Variants in MRPL48 observed in about 807,000 individuals in gnomAD.
MRPL48 encodes the protein large ribosomal subunit protein mL48.
MRPL48 carries 16 observed loss-of-function variants against 32.9 expected under a neutral mutation model. The ratio of observed to expected loss-of-function variants is 0.49; its 90% confidence interval spans 0.33 to 0.74. MRPL48 has a LOEUF of 0.74. Among genes scored for constraint, MRPL48 ranks in the 30% least tolerant of loss-of-function variants. MRPL48 has a pLI of 0.02. For synonymous variants in MRPL48, 94 were observed against 89.2 expected (o/e 1.05, Z -0.31); for missense variants, 206 against 245.3 (o/e 0.84, Z 1.07).
At chr11:73,860,252 C>T (rs1948563093) in intron 6 of MRPL48, 1 of 323,652 alleles carries the variant, frequency 3.1e-6, no homozygotes, top group Non-Finnish European at 5.8e-6. Flanking sequence ...TATCTCCAGT[C>T]CTGATCTGTT....
At chr11:73,826,542 G>A (rs916611781) in intron 4 of MRPL48, among the ~76,000 whole-genome samples, 10 of 151,994 alleles carry the variant, frequency 6.6e-5, no homozygotes, top group African/African-American at 2.4e-4. Context: ...GCAGTGGCAC[G>A]ATCTCAGCTC....
chr11:73,839,322 A>T (rs1948152156), intron 4 of MRPL48, among the ~76,000 whole-genome samples: 1 of 152,166 alleles, frequency 6.6e-6, no homozygotes, highest in Admixed American at 6.5e-5. Context: ...TGGCTATTAG[A>T]TGGGGTGACT....
At chr11:73,807,919 G>T (rs1284962559) in intron 2 of MRPL48, among the ~76,000 whole-genome samples, 1 of 152,208 alleles carries the variant, frequency 6.6e-6, no homozygotes, top group Non-Finnish European at 1.5e-5. Flanking sequence ...GATTACAGGC[G>T]TGAGCCGCTG....
At chr11:73,792,614 A>C (rs1441121108) in intron 1 of MRPL48, among the ~76,000 whole-genome samples, 4 of 152,240 alleles carry the variant, frequency 2.6e-5, no homozygotes, top group Non-Finnish European at 4.4e-5. Context: ...CTAGTAGTAC[A>C]CACATTTTAG....
rs553399972 is a variant in MRPL48, at chr11:73,823,390, A to G, written c.113-2318A>G. On this transcript the variant is annotated intron_variant, in intron 3 of 7. Transcript: ENST00000310614. ...ATCTTGATGCCATATACACATACAT[A>G]TAGATACACACACATACACATGTTA... Among the ~76,000 whole-genome samples, 5 of 152,332 alleles carry G rather than the reference A, an allele frequency of 3.3e-5. No individual in the cohort carries two copies. In the South Asian group the frequency reaches 6.2e-4, roughly 19 times the overall value.
chr11:73,797,240 G>A (rs1947272245), intron 1 of MRPL48, among the ~76,000 whole-genome samples: 1 of 152,162 alleles, frequency 6.6e-6, no homozygotes, highest in Admixed American at 6.6e-5. Flanking sequence ...GAGCTATTCT[G>A]CCACTCAATA....
At chr11:73,845,276 G>T (rs61903193) in intron 5 of MRPL48, 294 of 229,178 alleles carry the variant, frequency 1.3e-3, no homozygotes, top group Non-Finnish European at 2.1e-3. Context: ...ACAGTATGTA[G>T]CTGTTTGTGG....
intron 1 of MRPL48, among the ~76,000 whole-genome samples, chr11:73,794,558 GA>G (rs202160777): frequency 0.05 from 7,086 of 140,786 alleles, 276 homozygotes; most frequent in East Asian, 0.19. Context: ...TCCATCTCTG[GA>G]AAAAAAAAAA....
intron 3 of MRPL48, 126 bp from the exon 4 acceptor site, chr11:73,825,582 G>T (rs1947872205): frequency 1.3e-6 from 1 of 780,692 alleles, no homozygotes. Flanking sequence ...AGAAGTTCGA[G>T]GCTTCAATGA....
chr11:73,845,813 A>T (rs1285931727), intron 5 of MRPL48, among the ~76,000 whole-genome samples: 1 of 152,114 alleles, frequency 6.6e-6, no homozygotes, highest in African/African-American at 2.4e-5. Flanking sequence ...CATGCCTGTA[A>T]TCCCAGCACT....
At chr11:73,847,070 G>T (rs190589892) in intron 5 of MRPL48, among the ~76,000 whole-genome samples, 2 of 148,936 alleles carry the variant, frequency 1.3e-5, no homozygotes, top group East Asian at 4.0e-4. Context: ...CTCCAATCTC[G>T]CCTCCAATTT....
intron 4 of MRPL48, among the ~76,000 whole-genome samples, chr11:73,843,912 C>G (rs1460814776): frequency 6.6e-6 from 1 of 152,044 alleles, no homozygotes; most frequent in Non-Finnish European, 1.5e-5. Context: ...AACCTCATCT[C>G]TACTAAAATT....
rs144551234 is a variant in MRPL48, at chr11:73,809,452, C to T, written c.112+1102C>T. On this transcript the variant is annotated intron_variant, in intron 3 of 7. Transcript: ENST00000310614. ...CCCGGAGGCAGAGGTTACAGTAAGC[C>T]GAGATCATACCACTGCACTCCAGCC... is the stretch of plus-strand genomic sequence containing the variant. Among the ~76,000 whole-genome samples, 1,081 of 149,362 alleles carry T rather than the reference C, an allele frequency of 7.2e-3. 5 individuals are homozygous for T. The highest frequency in any genetic ancestry group is 0.012 in the Non-Finnish European group (813 of 67,586).
intron 5 of MRPL48, among the ~76,000 whole-genome samples, chr11:73,858,264 A>T (rs764932360): frequency 3.3e-5 from 5 of 152,252 alleles, no homozygotes; most frequent in Admixed American, 6.5e-5. Context: ...AGACTACCTG[A>T]AAGAATTTGC....
At chr11:73,833,294 A>G (rs1384506357) in intron 4 of MRPL48, among the ~76,000 whole-genome samples, 1 of 151,798 alleles carries the variant, frequency 6.6e-6, no homozygotes, top group African/African-American at 2.4e-5. Context: ...ACAGGGAGTG[A>G]CTCACGTGAA....
At chr11:73,852,393 CAAAAAAA>C (rs10554131) in intron 5 of MRPL48, among the ~76,000 whole-genome samples, 40 of 83,346 alleles carry the variant, frequency 4.8e-4, no homozygotes, top group Non-Finnish European at 7.5e-4. Flanking sequence ...AACTCTATAG[CAAAAAAA>C]AAAAAAAAAA....
At chr11:73,821,311 T>C (rs934242031) in intron 3 of MRPL48, among the ~76,000 whole-genome samples, 3 of 152,170 alleles carry the variant, frequency 2.0e-5, no homozygotes, top group South Asian at 2.1e-4. Flanking sequence ...TGTAATCTTA[T>C]ATTTACTTTG....
intron 4 of MRPL48, among the ~76,000 whole-genome samples, chr11:73,835,966 C>T (rs1263851492): frequency 6.6e-6 from 1 of 152,038 alleles, no homozygotes; most frequent in Admixed American, 6.6e-5. Flanking sequence ...GACAGGGTCT[C>T]ACTGTCGCCC....
chr11:73,849,212 C>G (rs1271126712), intron 5 of MRPL48, among the ~76,000 whole-genome samples: 1 of 152,182 alleles, frequency 6.6e-6, no homozygotes, highest in African/African-American at 2.4e-5. Flanking sequence ...TCTCGGCTGA[C>G]TGCAACCTCT....
Sources: gnomAD v4.1 joint callset for allele counts (sites outside exome capture counted in the v4.1 genomes callset) on GRCh38, gnomAD v4.1.1 for gene constraint, MANE v1.5 for transcripts, NCBI Gene and HGNC (gene_info 2026-07-23, HGNC 2026-07-21) for gene names.